Variants in NTM observed in about 807,000 individuals in gnomAD.
The protein encoded by NTM is IgLON family member 2.
In NTM, 13 loss-of-function variants were observed where a neutral mutation model predicts 42.1. The observed-to-expected ratio is 0.31, with a 90% confidence interval of 0.20 to 0.49. The LOEUF (loss-of-function observed/expected upper bound fraction) is 0.49. Among genes scored for constraint, NTM ranks in the 20% least tolerant of loss-of-function variants. NTM has a pLI of 0.99. For synonymous variants in NTM, 187 were observed against 179.2 expected (o/e 1.04, Z -0.35); for missense variants, 373 against 452.8 (o/e 0.82, Z 1.60).
chr11:131,986,640 A>G (rs920738091), intron 2 of NTM, among the ~76,000 whole-genome samples: 1 of 152,174 alleles, frequency 6.6e-6, no homozygotes, highest in African/African-American at 2.4e-5. Flanking sequence ...TCCTATTTTA[A>G]CATTTTCCTT....
intron 1 of NTM, among the ~76,000 whole-genome samples, chr11:131,786,864 C>T (rs1217893784): frequency 6.6e-6 from 1 of 152,158 alleles, no homozygotes; most frequent in Non-Finnish European, 1.5e-5. Flanking sequence ...GTCCATTGAG[C>T]TAAACACTAG....
At chr11:132,164,474 A>T (rs1365088169) in intron 3 of NTM, among the ~76,000 whole-genome samples, 1 of 152,216 alleles carries the variant, frequency 6.6e-6, no homozygotes, top group Non-Finnish European at 1.5e-5. Flanking sequence ...AAAGTAGCAC[A>T]CAATTAAAGA....
intron 1 of NTM, among the ~76,000 whole-genome samples, chr11:131,751,727 T>C (rs2082570367): frequency 6.6e-6 from 1 of 151,896 alleles, no homozygotes; most frequent in Non-Finnish European, 1.5e-5. Context: ...ACTGCTGCAC[T>C]CCAGCCTGCT....
chr11:132,304,934 A>G (rs2095023375), intron 4 of NTM, among the ~76,000 whole-genome samples: 1 of 152,116 alleles, frequency 6.6e-6, no homozygotes, highest in South Asian at 2.1e-4. Context: ...CTTTCTCTGG[A>G]ATTAGAAATT....
intron 4 of NTM, among the ~76,000 whole-genome samples, chr11:132,297,323 C>T (rs562087705): frequency 6.6e-6 from 1 of 152,312 alleles, no homozygotes; most frequent in South Asian, 2.1e-4. Flanking sequence ...TGCTTGATAC[C>T]ATCACTAATA....
At chr11:132,196,493 A>G (rs191021936) in intron 3 of NTM, among the ~76,000 whole-genome samples, 15 of 152,286 alleles carry the variant, frequency 9.8e-5, no homozygotes, top group South Asian at 4.1e-4. Context: ...ATACACTCAT[A>G]TGTTTATTGC....
intron 2 of NTM, among the ~76,000 whole-genome samples, chr11:132,037,278 C>T (rs1451272288): frequency 6.6e-6 from 1 of 152,098 alleles, no homozygotes; most frequent in Non-Finnish European, 1.5e-5. Context: ...TGCTTCCTCT[C>T]TCCCCTGTGA....
chr11:132,275,738 A>ATATATATACG lies in NTM; in HGVS notation c.527-31943_527-31942insCGTATATATA, dbSNP rs1565363148. Among the ~76,000 whole-genome samples the ATATATATACG allele has an allele frequency of 3.9e-3, 261 of 66,484 alleles. 1 individual carries two copies. Among genetic ancestry groups the ATATATATACG allele is most frequent in the Middle Eastern group, 0.016 (2 of 128 alleles). 43.6% of individuals were successfully genotyped at this position (66,484 alleles called of 152,430 possible). A position where few individuals can be genotyped will look rare whatever the true frequency, so the allele number is the denominator to read the frequency against. ...TGTATATATATACGTATATATACGT[A>ATATATATACG]TATATATATGTGTATATATATATAT... On this transcript the variant is annotated intron_variant, in intron 4 of 8. Coordinates refer to ENST00000683400, the MANE Select transcript of NTM (RefSeq NM_001352005.2).
intron 3 of NTM, among the ~76,000 whole-genome samples, chr11:132,165,792 T>G (rs12274242): frequency 0.25 from 38,522 of 152,122 alleles, 6,172 homozygotes; most frequent in Non-Finnish European, 0.35. Flanking sequence ...AAGTGCTGCT[T>G]CTTGCAGAGG....
intron 1 of NTM, among the ~76,000 whole-genome samples, chr11:131,874,077 G>A (rs1459358736): frequency 2.7e-5 from 2 of 73,778 alleles, no homozygotes; most frequent in East Asian, 3.9e-4. Flanking sequence ...ATCAGCAACA[G>A]GGTGTTAGTC....
intron 1 of NTM, among the ~76,000 whole-genome samples, chr11:131,785,411 C>T (rs10894444): frequency 0.55 from 84,051 of 152,068 alleles, 23,579 homozygotes; most frequent in African/African-American, 0.63. Flanking sequence ...AAGTGAGATT[C>T]AATTCTTCTA....
intron 2 of NTM, among the ~76,000 whole-genome samples, chr11:132,039,080 C>T (rs1051142159): frequency 6.6e-6 from 1 of 152,220 alleles, no homozygotes; most frequent in Non-Finnish European, 1.5e-5. Context: ...CAGGTAATCC[C>T]TCTGTCCAGA....
intron 1 of NTM, among the ~76,000 whole-genome samples, chr11:131,694,416 TG>T (rs1268043575): frequency 2.6e-5 from 4 of 152,180 alleles, no homozygotes; most frequent in African/African-American, 7.2e-5. Context: ...ATGCCATTGC[TG>T]GGTCTAGAAG....
chr11:131,414,494 T>A (rs1003874453), intron 1 of NTM, among the ~76,000 whole-genome samples: 1 of 152,222 alleles, frequency 6.6e-6, no homozygotes. Context: ...GGTCCGGGAC[T>A]GCCACTTCCA....
chr11:131,520,835 A>G (rs1159206814), intron 1 of NTM, among the ~76,000 whole-genome samples: 1 of 152,084 alleles, frequency 6.6e-6, no homozygotes, highest in Non-Finnish European at 1.5e-5. Context: ...TGGTGTTTCT[A>G]TAAAGGAATA....
At chr11:132,012,537 C>G (rs1002010941) in intron 2 of NTM, among the ~76,000 whole-genome samples, 7 of 152,106 alleles carry the variant, frequency 4.6e-5, no homozygotes, top group Non-Finnish European at 1.0e-4. Context: ...TAAGAAATTT[C>G]TAAACATGTT....
At chr11:131,898,801 T>C (rs1014060851) in intron 1 of NTM, among the ~76,000 whole-genome samples, 8 of 152,214 alleles carry the variant, frequency 5.3e-5, no homozygotes, top group Admixed American at 3.9e-4. Context: ...TCTGTGCATT[T>C]ACACATCTGT....
chr11:132,085,423 G>C (rs1220046079), intron 2 of NTM, among the ~76,000 whole-genome samples: 1 of 152,174 alleles, frequency 6.6e-6, no homozygotes, highest in Non-Finnish European at 1.5e-5. Flanking sequence ...TTGTGAAGCA[G>C]GCAAGTGGAG....
At chr11:131,881,274 A>G (rs2049431276) in intron 1 of NTM, among the ~76,000 whole-genome samples, 1 of 152,174 alleles carries the variant, frequency 6.6e-6, no homozygotes, top group African/African-American at 2.4e-5. Context: ...ACATAGGCAA[A>G]TAGAACTTTT....
Sources: gnomAD v4.1 joint callset for allele counts (sites outside exome capture counted in the v4.1 genomes callset) on GRCh38, gnomAD v4.1.1 for gene constraint, MANE v1.5 for transcripts, NCBI Gene and HGNC (gene_info 2026-07-23, HGNC 2026-07-21) for gene names.